KLF8: variants seen among roughly 807,000 people sequenced by gnomAD.
The protein encoded by KLF8 is Krueppel-like factor 8.
A neutral mutation model predicts 18.2 loss-of-function variants in KLF8; 10 were observed. The observed-to-expected ratio is 0.55, with a 90% CI of 0.34 to 0.93. The LOEUF (loss-of-function observed/expected upper bound fraction) is 0.93, where lower values mean the gene tolerates loss of function less well. Ranked by LOEUF, KLF8 falls within the 40% of genes least tolerant of loss-of-function variation. The pLI, the probability that KLF8 is intolerant of heterozygous loss-of-function variation, is 0.02. For missense variants in KLF8, 264 were observed against 277.9 expected (o/e 0.95, Z 0.36); for synonymous variants, 109 against 97.3 (o/e 1.12, Z -0.71).
At chrX:56,210,355 C>G in the KLF8 span, among the ~76,000 whole-genome samples, 1 of 111,790 alleles carries the variant, frequency 8.9e-6, no homozygotes, top group Admixed American at 9.5e-5. Flanking sequence ...TTAAATATTT[C>G]ATGCCACTCT....
At chrX:56,203,689 TC>T in the KLF8 span, among the ~76,000 whole-genome samples, 5 of 112,140 alleles carry the variant, frequency 4.5e-5, no homozygotes, top group Admixed American at 4.7e-4. Flanking sequence ...GATGGTCCAT[TC>T]CCCAATGTAT....
At chrX:56,190,204 A>G in the KLF8 span, among the ~76,000 whole-genome samples, 1 of 111,150 alleles carries the variant, frequency 9.0e-6, no homozygotes, top group African/African-American at 3.3e-5. Flanking sequence ...GACAAAGTAG[A>G]TTTCAAGACC....
the KLF8 span, among the ~76,000 whole-genome samples, chrX:56,148,441 TA>T: frequency 0.015 from 1,591 of 104,955 alleles, 46 homozygotes; most frequent in Admixed American, 0.083. Flanking sequence ...ACACGAGCTT[TA>T]AAAAAAAAAA....
the KLF8 span, among the ~76,000 whole-genome samples, chrX:55,982,829 T>C: frequency 3.6e-5 from 4 of 112,159 alleles, no homozygotes; most frequent in Non-Finnish European, 7.5e-5. Context: ...AATCTGACAA[T>C]GCAACTTTTC....
chrX:56,164,160 T>G, the KLF8 span, among the ~76,000 whole-genome samples: 1 of 107,278 alleles, frequency 9.3e-6, no homozygotes, highest in South Asian at 4.2e-4. Flanking sequence ...TATTTTTTAG[T>G]GTCATTAATT....
chrX:56,171,742 T>A, the KLF8 span, among the ~76,000 whole-genome samples: 1 of 112,007 alleles, frequency 8.9e-6, no homozygotes, highest in Non-Finnish European at 1.9e-5. Context: ...GTGCTGTATA[T>A]GTGCCACATT....
chrX:56,160,399 T>A, the KLF8 span, among the ~76,000 whole-genome samples: 1 of 111,678 alleles, frequency 9.0e-6, no homozygotes, highest in Non-Finnish European at 1.9e-5. Context: ...TAGATATCTA[T>A]TAGGTCCGCT....
the KLF8 span, among the ~76,000 whole-genome samples, chrX:55,997,841 A>G: frequency 4.5e-5 from 5 of 111,508 alleles, no homozygotes; most frequent in Non-Finnish European, 9.4e-5. Flanking sequence ...TGGAAAAGAA[A>G]AAGACACAGA....
chrX:56,130,735 C>A, the KLF8 span, among the ~76,000 whole-genome samples: 2 of 111,015 alleles, frequency 1.8e-5, no homozygotes, highest in Non-Finnish European at 3.8e-5. Flanking sequence ...AAAATGAAGT[C>A]CAAACTTTAA....
At chrX:56,060,394 A>G in the KLF8 span, among the ~76,000 whole-genome samples, 4 of 111,786 alleles carry the variant, frequency 3.6e-5, no homozygotes, top group Admixed American at 1.9e-4. Flanking sequence ...TTTAGCATGA[A>G]GAGGTGTTGA....
chrX:55,910,931 C>T, the KLF8 span, among the ~76,000 whole-genome samples: 2 of 111,627 alleles, frequency 1.8e-5, no homozygotes, highest in African/African-American at 6.5e-5. Flanking sequence ...CTGTTGACAG[C>T]ACAGAGGTTA....
At chrX:56,034,551 T>C in the KLF8 span, among the ~76,000 whole-genome samples, 1 of 110,907 alleles carries the variant, frequency 9.0e-6, no homozygotes, top group East Asian at 2.8e-4. Context: ...GTTATATATA[T>C]GTATGGGGTA....
chrX:56,045,391 C>T, the KLF8 span, among the ~76,000 whole-genome samples: 2 of 110,036 alleles, frequency 1.8e-5, no homozygotes, highest in African/African-American at 3.3e-5. Flanking sequence ...CTTTTTTTTT[C>T]GTTCTGTATG....
At chrX:55,961,295 C>T in the KLF8 span, 2 of 388,048 alleles carry the variant, frequency 5.2e-6, no homozygotes, top group Non-Finnish European at 9.8e-6. Flanking sequence ...TGCCAGAGGT[C>T]CTGGTGGACC....
the KLF8 span, among the ~76,000 whole-genome samples, chrX:55,943,089 G>A: frequency 2.7e-5 from 3 of 110,821 alleles, no homozygotes; most frequent in South Asian, 3.8e-4. Flanking sequence ...ATACAGCGGC[G>A]AGGGAATGAA....
At chrX:56,051,475 ATC>A in the KLF8 span, among the ~76,000 whole-genome samples, 7 of 106,765 alleles carry the variant, frequency 6.6e-5, no homozygotes, top group African/African-American at 2.4e-4. Flanking sequence ...TGGTGACAAA[ATC>A]TCTCAGCATT....
the KLF8 span, among the ~76,000 whole-genome samples, chrX:56,193,052 A>C: frequency 5.3e-5 from 6 of 112,539 alleles, no homozygotes; most frequent in South Asian, 3.7e-4. Flanking sequence ...GTGGGAGAAA[A>C]TCTTTGCAAA....
chrX:56,080,339 A>G, the KLF8 span, among the ~76,000 whole-genome samples: 11 of 110,687 alleles, frequency 9.9e-5, no homozygotes, highest in East Asian at 2.8e-4. Flanking sequence ...TGCAAGGCAG[A>G]CCTGGTGGTG....
the KLF8 span, among the ~76,000 whole-genome samples, chrX:55,927,148 A>T: frequency 2.7e-5 from 3 of 112,118 alleles, no homozygotes; most frequent in African/African-American, 9.7e-5. Flanking sequence ...CTTATGTGAT[A>T]ACTGTAGATT....
Sources: gnomAD v4.1 joint callset for allele counts (sites outside exome capture counted in the v4.1 genomes callset) on GRCh38, gnomAD v4.1.1 for gene constraint, MANE v1.5 for transcripts, NCBI Gene and HGNC (gene_info 2026-07-23, HGNC 2026-07-21) for gene names.